NCEH1: variants seen among roughly 807,000 people sequenced by gnomAD.
NCEH1 encodes 2-acetyl MAGE hydrolase.
A neutral mutation model predicts 25.4 loss-of-function variants in NCEH1; 9 were observed. That is an observed-to-expected ratio of 0.35 (90% CI 0.21 to 0.62). NCEH1 has a LOEUF of 0.62. Ranked by LOEUF, NCEH1 falls within the 20% of genes least tolerant of loss-of-function variation. The pLI is 0.72. For synonymous variants in NCEH1, 200 were observed against 199.8 expected, an observed-to-expected ratio of 1.00 and a Z score of -0.01; for missense variants, 412 against 501.1, an observed-to-expected ratio of 0.82 and a Z score of 1.70.
intron 3 of NCEH1, among the ~76,000 whole-genome samples, chr3:172,642,567 T>C (rs1331310398): frequency 7.9e-6 from 1 of 126,464 alleles, no homozygotes; most frequent in Non-Finnish European, 1.6e-5. Context: ...TGGGTTAGCC[T>C]GAATCTTAAC....
Position 172,664,457 on chromosome 3 carries a change from G to A in NCEH1, c.139-16343C>T, listed in dbSNP as rs192275052. On this transcript the variant is annotated intron_variant, in intron 1 of 4. Transcript: ENST00000475381. ...TGTGTCTTGGGGTTGCTCTTCACGAGGAGTATCTTTGTGGCATTCTCTGTG... is the reference window on the plus strand; with the variant it reads ...TGTGTCTTGGGGTTGCTCTTCACGAAGAGTATCTTTGTGGCATTCTCTGTG... Among the ~76,000 whole-genome samples the A allele has an allele frequency of 7.2e-5, 11 of 152,256 alleles. No homozygotes were observed. In the East Asian group the frequency reaches 2.1e-3, roughly 29 times the overall value.
At chr3:172,656,426 G>A (rs1717698811) in intron 1 of NCEH1, among the ~76,000 whole-genome samples, 1 of 152,182 alleles carries the variant, frequency 6.6e-6, no homozygotes, top group African/African-American at 2.4e-5. Flanking sequence ...TCTCTAAATA[G>A]AATTTGATTT....
chr3:172,648,653 T>C (rs1049726374), intron 1 of NCEH1, among the ~76,000 whole-genome samples: 1 of 152,158 alleles, frequency 6.6e-6, no homozygotes, highest in Non-Finnish European at 1.5e-5. Flanking sequence ...AAATGTGTCT[T>C]GTCCTTTTGA....
chr3:172,691,136 C>G (rs1244567606), intron 1 of NCEH1, among the ~76,000 whole-genome samples: 1 of 152,122 alleles, frequency 6.6e-6, no homozygotes, highest in African/African-American at 2.4e-5. Context: ...ATACTTTCTC[C>G]AAACATAGAG....
At position 172,648,873 on chromosome 3, in the gene NCEH1, C is replaced by T. The variant is rs370636631; in HGVS notation, c.139-759G>A. On this transcript the variant is annotated intron_variant, in intron 1 of 4. Coordinates refer to ENST00000475381, the MANE Select transcript of NCEH1 (RefSeq NM_020792.6). ...TTGCAGAAGGAACATAGCAAGGAGACCTAATTTACCCACCAAGCAAAGACA... is the reference window on the plus strand; with the variant it reads ...TTGCAGAAGGAACATAGCAAGGAGATCTAATTTACCCACCAAGCAAAGACA... Among the ~76,000 whole-genome samples the T allele has an allele frequency of 6.6e-5, 10 of 151,812 alleles. No homozygotes were observed. The South Asian group carries it at 1.0e-3, about 16-fold the overall frequency.
At chr3:172,666,304 C>T (rs1718206081) in intron 1 of NCEH1, among the ~76,000 whole-genome samples, 1 of 152,196 alleles carries the variant, frequency 6.6e-6, no homozygotes, top group South Asian at 2.1e-4. Flanking sequence ...TGGCAACCTG[C>T]ATTTGCATAT....
At chr3:172,691,274 C>T (rs1441229172) in intron 1 of NCEH1, among the ~76,000 whole-genome samples, 1 of 152,204 alleles carries the variant, frequency 6.6e-6, no homozygotes, top group African/African-American at 2.4e-5. Flanking sequence ...TCCAACTCAT[C>T]CCTCAGACCA....
At chr3:172,668,547 A>G (rs1417857406) in intron 1 of NCEH1, among the ~76,000 whole-genome samples, 3 of 151,864 alleles carry the variant, frequency 2.0e-5, no homozygotes, top group Non-Finnish European at 4.4e-5. Context: ...TTTACAAAAG[A>G]GTAGTTTCTT....
intron 3 of NCEH1, among the ~76,000 whole-genome samples, chr3:172,639,432 A>G (rs1343992796): frequency 6.6e-6 from 1 of 152,090 alleles, no homozygotes; most frequent in Non-Finnish European, 1.5e-5. Context: ...AAATTTTGTA[A>G]TATCTAGACA....
chr3:172,691,624 A>G (rs1283264035), intron 1 of NCEH1, among the ~76,000 whole-genome samples: 1 of 152,310 alleles, frequency 6.6e-6, no homozygotes, highest in African/African-American at 2.4e-5. Context: ...AAATCCAGTG[A>G]CAGGAAGAAC....
Position 172,650,327 on chromosome 3 carries a change from AC to A in NCEH1, c.139-2214del, listed in dbSNP as rs754324591. 4.0e-5 allele frequency among the ~76,000 whole-genome samples: 6 copies of A among 151,822 alleles called. No homozygotes were observed. In the South Asian group the frequency reaches 1.0e-3, roughly 26 times the overall value. On this transcript the variant is annotated intron_variant, in intron 1 of 4. Transcript: ENST00000475381. ...AGACCAGCCTGGCCAACATGGTGAG[AC>A]CCCATCTCTACTAAAAATATAAAAA...
chr3:172,666,139 C>T (rs989931662), intron 1 of NCEH1, among the ~76,000 whole-genome samples: 1 of 152,146 alleles, frequency 6.6e-6, no homozygotes, highest in Non-Finnish European at 1.5e-5. Context: ...AACAGAAAAA[C>T]GACTTGAAGG....
At chr3:172,689,834 C>G (rs1712928608) in intron 1 of NCEH1, among the ~76,000 whole-genome samples, 1 of 151,442 alleles carries the variant, frequency 6.6e-6, no homozygotes, top group Non-Finnish European at 1.5e-5. Context: ...CACTTGCCAG[C>G]TGTATGAGGT....
At chr3:172,671,581 C>T (rs1711626521) in intron 1 of NCEH1, among the ~76,000 whole-genome samples, 1 of 151,554 alleles carries the variant, frequency 6.6e-6, no homozygotes, top group Non-Finnish European at 1.5e-5. Context: ...TATACACCTG[C>T]TACATGTGTG....
At chr3:172,658,243 G>A (rs995260694) in intron 1 of NCEH1, among the ~76,000 whole-genome samples, 1 of 152,248 alleles carries the variant, frequency 6.6e-6, no homozygotes, top group Non-Finnish European at 1.5e-5. Flanking sequence ...AAGTTACCCT[G>A]TATAATCTAA....
intron 1 of NCEH1, among the ~76,000 whole-genome samples, chr3:172,679,018 C>G (rs1488993136): frequency 6.6e-6 from 1 of 152,248 alleles, no homozygotes; most frequent in Non-Finnish European, 1.5e-5. Context: ...ATCCACCCTA[C>G]TGCTGTGTCC....
chr3:172,671,394 T>C (rs1162326359), intron 1 of NCEH1, among the ~76,000 whole-genome samples: 1 of 152,142 alleles, frequency 6.6e-6, no homozygotes, highest in Non-Finnish European at 1.5e-5. Context: ...TCCTCAAAAA[T>C]GTGTGAAACT....
At chr3:172,672,856 C>G (rs536597814) in intron 1 of NCEH1, among the ~76,000 whole-genome samples, 2 of 152,316 alleles carry the variant, frequency 1.3e-5, no homozygotes, top group South Asian at 4.1e-4. Context: ...GACGAAGCCA[C>G]CTCAACCCTG....
intron 1 of NCEH1, among the ~76,000 whole-genome samples, chr3:172,700,309 G>C (rs766855616): frequency 1.3e-5 from 2 of 151,936 alleles, no homozygotes; most frequent in Non-Finnish European, 2.9e-5. Context: ...AAATGTAATT[G>C]TTTCTATGAC....
Sources: allele counts gnomAD v4.1 joint callset (sites outside exome capture counted in the v4.1 genomes callset), GRCh38; gene constraint gnomAD v4.1.1; transcripts MANE v1.5; gene names NCBI Gene and HGNC (gene_info 2026-07-23, HGNC 2026-07-21).